Variants in LAX1 observed in about 807,000 individuals in gnomAD.
LAX1 encodes the protein lymphocyte transmembrane adapter 1.
LAX1 carries 17 observed loss-of-function variants against 20.7 expected under a neutral mutation model. The observed-to-expected ratio is 0.82, with a 90% CI of 0.56 to 1.23. The LOEUF is 1.23. Ranked by LOEUF, LAX1 falls within the 50% of genes most tolerant of loss-of-function variation. LAX1 has a pLI of 0.00. For synonymous variants in LAX1, 165 were observed against 181.0 expected (o/e 0.91, Z 0.71); for missense variants, 470 against 487.0 (o/e 0.97, Z 0.33).
chr1:203,769,442 AAGG>A (rs1558069939), intron 1 of LAX1, among the ~76,000 whole-genome samples: 1,168 of 60,650 alleles, frequency 0.019, 42 homozygotes, highest in South Asian at 0.14. Flanking sequence ...AGAAAGAAAG[AAGG>A]AAAGAAAGAA....
Position 203,773,922 on chromosome 1 carries a change from T to C in LAX1, c.438T>C (p.His146=). 1 of 1,614,064 alleles carries C rather than the reference T, an allele frequency of 6.2e-7. No individual in the cohort carries two copies. Among genetic ancestry groups the C allele is most frequent in the Non-Finnish European group, 8.5e-7 (1 of 1,179,986 alleles). The change falls in exon 5 of 5, where the codon CAT becomes CAC. Residue 146 remains histidine (H), a synonymous_variant. Coordinates refer to ENST00000442561, the MANE Select transcript of LAX1 (RefSeq NM_017773.4). ...TCCAGGAGCATACAGCCCACATCCATGCCACAGAGTACGCGGTGGGTATCT... is the reference window on the plus strand; with the variant it reads ...TCCAGGAGCATACAGCCCACATCCACGCCACAGAGTACGCGGTGGGTATCT... ...NAFQEHTAHI[H]ATEYAVGIYD... is the part of the protein sequence containing the mutation.
intron 1 of LAX1, among the ~76,000 whole-genome samples, chr1:203,767,881 T>C (rs1044124852): frequency 2.0e-5 from 3 of 151,950 alleles, no homozygotes; most frequent in Non-Finnish European, 2.9e-5. Flanking sequence ...ATCCAAGCCT[T>C]TGGTAGACCA....
At chr1:203,769,777 G>GT (rs1309821056) in intron 1 of LAX1, 14 of 152,554 alleles carry the variant, frequency 9.2e-5, no homozygotes, top group African/African-American at 3.4e-4. Flanking sequence ...TTGGTGCGGG[G>GT]GGGGGGGCGG....
chr1:203,771,056 C>T (rs1322866347), intron 2 of LAX1, 119 bp downstream of exon 2: 2 of 813,812 alleles, frequency 2.5e-6, no homozygotes, highest in East Asian at 2.5e-5. Context: ...TCAGTTCTTA[C>T]CCGATACATT....
chr1:203,770,502 GAAGGAAGGAAGAAAGAAAGA>G (rs1667396715), intron 1 of LAX1, among the ~76,000 whole-genome samples: 12 of 31,016 alleles, frequency 3.9e-4, no homozygotes, highest in South Asian at 3.1e-3. Context: ...AGGAAGGAAG[GAAGGAAGGAAGAAAGAAAGA>G]AAGAAAGAAA....
chr1:203,774,513 G>A lies in LAX1; in HGVS notation c.1029G>A (p.Gly343=). The A allele has an allele frequency of 3.7e-6, 6 of 1,614,162 alleles. No individual in the cohort carries two copies. Among genetic ancestry groups the A allele is most frequent in the Non-Finnish European group, 5.1e-6 (6 of 1,180,032 alleles). ...QCVKRTFLAS[G]DYADFQPFTQ... Reference sequence around the variant, plus strand: ...TCAAAAGGACATTCCTTGCTTCAGGGGATTATGCAGACTTTCAGCCATTCA... The same window carrying A: ...TCAAAAGGACATTCCTTGCTTCAGGAGATTATGCAGACTTTCAGCCATTCA... The change falls in exon 5 of 5, where the codon GGG becomes GGA. Residue 343 remains glycine, a synonymous_variant. Transcript: ENST00000442561.
chr1:203,766,348 G>A (rs535106255), intron 1 of LAX1, among the ~76,000 whole-genome samples: 95 of 152,228 alleles, frequency 6.2e-4, no homozygotes, highest in African/African-American at 2.2e-3. Context: ...AGCCGGGAGT[G>A]GTAGCATGCT....
rs1553254324 is a variant in LAX1, at chr1:203,770,433, A to AGAGAGAGAGAGAGAGAGAGAGAG, written c.90-395_90-394insGAGAGAGAGAGAGAGAGAGAGAG. Among the ~76,000 whole-genome samples the AGAGAGAGAGAGAGAGAGAGAGAG allele has an allele frequency of 7.3e-4, 33 of 44,922 alleles. 9 individuals are homozygous for AGAGAGAGAGAGAGAGAGAGAGAG. The highest frequency in any genetic ancestry group is 2.1e-3 in the East Asian group (2 of 938). The allele number at this position is 44,922 out of a possible 152,430, so 29.5% of individuals were successfully genotyped here. ...TCCATCAAAAAGAAAGAAAGAAAGAAAGAGAGAGAGAGAGAGAGAGAAAGG... is the reference window on the plus strand; with the variant it reads ...TCCATCAAAAAGAAAGAAAGAAAGAAGAGAGAGAGAGAGAGAGAGAGAGAGAGAGAGAGAGAGAGAGAGAAAGG... On this transcript the variant is annotated intron_variant, in intron 1 of 4. Coordinates refer to ENST00000442561, the MANE Select transcript of LAX1 (RefSeq NM_017773.4).
In LAX1 at chr1:203,775,330, G is replaced by C. The variant is rs978632184; in HGVS notation, c.*649G>C. 6.6e-6 allele frequency: 1 copy of C among 152,106 alleles called. No individual in the cohort carries two copies. Among genetic ancestry groups the C allele is most frequent in the Non-Finnish European group, 1.5e-5 (1 of 68,112 alleles). The allele number at this position is 152,106 out of a possible 1,614,324, so 9.4% of individuals were successfully genotyped here. On this transcript the variant is annotated 3_prime_UTR_variant, in exon 5 of 5. Coordinates refer to ENST00000442561, the MANE Select transcript of LAX1 (RefSeq NM_017773.4). ...AATCGCTTGAACCCGGGAGGTGGAG[G>C]TTGCAGCAAGCCGAGATTGTGCCAC...
At chr1:203,770,516 A>G (rs1473451356) in intron 1 of LAX1, among the ~76,000 whole-genome samples, 2 of 125,650 alleles carry the variant, frequency 1.6e-5, no homozygotes, top group Non-Finnish European at 3.3e-5. Flanking sequence ...GAAGGAAGAA[A>G]GAAAGAAAGA....
chr1:203,774,981 A>C lies in LAX1; in HGVS notation c.*300A>C, dbSNP rs1667487600. 2 of 380,152 alleles carry C rather than the reference A, an allele frequency of 5.3e-6. No individual in the cohort carries two copies. The highest frequency in any genetic ancestry group is 9.5e-6 in the Non-Finnish European group (2 of 210,734). The allele number at this position is 380,152 out of a possible 1,614,324, so 23.5% of individuals were successfully genotyped here. ...CAGGAAAGTAGTGCACAGTAGTCTA[A>C]GATTATTACCTTCATTAATACCAAC... On this transcript the variant is annotated 3_prime_UTR_variant, in exon 5 of 5. Coordinates refer to ENST00000442561, the MANE Select transcript of LAX1 (RefSeq NM_017773.4).
At chr1:203,772,933 C>T (rs897660222) in intron 4 of LAX1, among the ~76,000 whole-genome samples, 1 of 152,138 alleles carries the variant, frequency 6.6e-6, no homozygotes, top group African/African-American at 2.4e-5. Flanking sequence ...GCCTTGGCCT[C>T]CCAAAGTGCT....
At position 203,771,002 on chromosome 1, in the gene LAX1, GC is replaced by G. The variant is rs981510826; in HGVS notation, c.199+68del. 1.1e-5 allele frequency: 15 copies of G among 1,314,540 alleles called. No homozygotes were observed. In the African/African-American group the frequency reaches 1.9e-4, roughly 16 times the overall value. 81.4% of individuals were successfully genotyped at this position (1,314,540 alleles called of 1,614,324 possible). On this transcript the variant is annotated intron_variant, in intron 2 of 4. Transcript: ENST00000442561. ...TTATTAATCTAGGCTGGAATTTAAA[GC>G]CCAGCTTATTTACCAGGGATAAACT...
intron 1 of LAX1, among the ~76,000 whole-genome samples, chr1:203,770,025 C>T (rs1055894552): frequency 2.0e-5 from 3 of 152,150 alleles, no homozygotes; most frequent in African/African-American, 7.2e-5. Flanking sequence ...CTTCTCTGCT[C>T]CTTCCTACCT....
intron 1 of LAX1, among the ~76,000 whole-genome samples, chr1:203,768,317 A>G (rs1667338485): frequency 6.6e-6 from 1 of 152,224 alleles, no homozygotes; most frequent in Non-Finnish European, 1.5e-5. Context: ...ATCTCAAAAA[A>G]AAAGATATAT....
chr1:203,772,832 C>T (rs146292096), intron 4 of LAX1, among the ~76,000 whole-genome samples: 4,649 of 151,942 alleles, frequency 0.031, 90 homozygotes, highest in South Asian at 0.049. Context: ...CACACCACCA[C>T]GCCTGGCTAA....
Position 203,773,875 on chromosome 1 carries a change from C to T in LAX1, c.391C>T (p.Pro131Ser). 1 of 1,602,462 alleles carries T rather than the reference C, an allele frequency of 6.2e-7. No individual in the cohort carries two copies. The highest frequency in any genetic ancestry group is 1.4e-5 in the African/African-American group (1 of 73,978). The change falls in exon 5 of 5, where the codon CCC (proline) becomes TCC (serine). Residue 131 changes from proline to serine, a missense_variant and splice_region_variant. Coordinates refer to ENST00000442561, the MANE Select transcript of LAX1 (RefSeq NM_017773.4). ...SRNSESPEHVPSQAGNAFQEH... is the reference protein window; with the variant it reads ...SRNSESPEHVSSQAGNAFQEH... The stretch of plus-strand genomic sequence containing the variant: ...ACTGGCTTCCTTTTCTTCTTCATAG[C>T]CCTCCCAAGCAGGCAATGCCTTCCA...
rs1667463887 is a variant in LAX1, at chr1:203,773,926, ACAGAGTACG to A, written c.444_452del (p.Glu149_Ala151del). 1 of 1,613,832 alleles carries A rather than the reference ACAGAGTACG, an allele frequency of 6.2e-7. No homozygotes were observed. The highest frequency in any genetic ancestry group is 2.2e-5 in the East Asian group (1 of 44,880). On this transcript the variant is annotated inframe_deletion, in exon 5 of 5. Coordinates refer to ENST00000442561, the MANE Select transcript of LAX1 (RefSeq NM_017773.4). ...GGAGCATACAGCCCACATCCATGCC[ACAGAGTACG>A]CGGTGGGTATCTATGACAACGCCAT...
intron 1 of LAX1, among the ~76,000 whole-genome samples, chr1:203,770,485 G>GA (rs1667393397): frequency 1.4e-5 from 1 of 69,038 alleles, no homozygotes; most frequent in Non-Finnish European, 2.9e-5. Context: ...AAGGAAGGAA[G>GA]GAAGGAAGGA....
Sources: allele counts gnomAD v4.1 joint callset (sites outside exome capture counted in the v4.1 genomes callset), GRCh38; gene constraint gnomAD v4.1.1; transcripts MANE v1.5; gene names NCBI Gene and HGNC (gene_info 2026-07-23, HGNC 2026-07-21).